Variants in SEMA3A observed in about 807,000 individuals in gnomAD.
The protein encoded by SEMA3A is semaphorin-3A.
SEMA3A carries 29 observed loss-of-function variants against 97.9 expected under a neutral mutation model. The observed-to-expected ratio is 0.30, with a 90% CI of 0.22 to 0.40. SEMA3A has a LOEUF of 0.40. SEMA3A is among the 10% of genes least tolerant of loss of function. The pLI, the probability that SEMA3A is intolerant of heterozygous loss-of-function variation, is 1.00. For missense variants in SEMA3A, 763 were observed against 951.3 expected, an observed-to-expected ratio of 0.80 and a Z score of 2.60; for synonymous variants, 321 against 323.7, an observed-to-expected ratio of 0.99 and a Z score of 0.09.
At chr7:84,204,490 T>C (rs1372704200) in intron 3 of SEMA3A, among the ~76,000 whole-genome samples, 1 of 152,176 alleles carries the variant, frequency 6.6e-6, no homozygotes, top group African/African-American at 2.4e-5. Context: ...GAATTGAACA[T>C]GGGGCATGAG....
chr7:84,164,043 C>T (rs1187525092), intron 1 of SEMA3A, among the ~76,000 whole-genome samples: 1 of 152,060 alleles, frequency 6.6e-6, no homozygotes, highest in Non-Finnish European at 1.5e-5. Flanking sequence ...CAGGGTTTCT[C>T]CATGTTGGTC....
intron 3 of SEMA3A, among the ~76,000 whole-genome samples, chr7:84,255,571 G>GAA (rs1799699552): frequency 2.6e-5 from 4 of 152,114 alleles, no homozygotes; most frequent in Non-Finnish European, 4.4e-5. Context: ...TATTTCTGGA[G>GAA]TCTACATTCT....
intron 1 of SEMA3A, among the ~76,000 whole-genome samples, chr7:84,159,309 T>A (rs1026028972): frequency 1.3e-5 from 2 of 152,180 alleles, no homozygotes; most frequent in African/African-American, 4.8e-5. Flanking sequence ...ACTAAAAGAT[T>A]GTTTCTACAT....
chr7:84,050,970 C>T (rs1001749080), intron 5 of SEMA3A, among the ~76,000 whole-genome samples: 2 of 151,684 alleles, frequency 1.3e-5, no homozygotes, highest in Admixed American at 6.6e-5. Context: ...ATAGGGAATC[C>T]TTTCCCCATT....
intron 4 of SEMA3A, among the ~76,000 whole-genome samples, chr7:84,065,496 G>T (rs1793442929): frequency 6.6e-6 from 1 of 150,712 alleles, no homozygotes; most frequent in South Asian, 2.1e-4. Context: ...TTTTTTGAAA[G>T]GATCAACAAA....
intron 1 of SEMA3A, among the ~76,000 whole-genome samples, chr7:84,387,612 T>C (rs563780998): frequency 6.7e-4 from 102 of 152,288 alleles, no homozygotes; most frequent in African/African-American, 2.3e-3. Flanking sequence ...TTTCTTTTCA[T>C]TGGAAACTGG....
intron 2 of SEMA3A, among the ~76,000 whole-genome samples, chr7:84,321,785 T>G (rs1250907411): frequency 2.1e-5 from 3 of 141,330 alleles, no homozygotes; most frequent in Non-Finnish European, 4.5e-5. Context: ...CTGAGGCAGG[T>G]GAATCGTGTG....
chr7:84,468,690 T>C (rs1806066273), intron 1 of SEMA3A, among the ~76,000 whole-genome samples: 1 of 152,110 alleles, frequency 6.6e-6, no homozygotes, highest in Admixed American at 6.5e-5. Context: ...GAATTAAAAA[T>C]AGGTGTGAGA....
At position 84,110,974 on chromosome 7, in the gene SEMA3A, T is replaced by C. The variant is rs926115835; in HGVS notation, c.334-385A>G. On this transcript the variant is annotated intron_variant, in intron 3 of 16. Coordinates refer to ENST00000265362, the MANE Select transcript of SEMA3A (RefSeq NM_006080.3). The stretch of plus-strand genomic sequence containing the variant: ...CTAATGAATTAATCAAACAAAATGA[T>C]GGGGAAAATTTACTTGCAAAAATCA... Among the ~76,000 whole-genome samples the C allele has an allele frequency of 2.0e-5, 3 of 152,016 alleles. No individual in the cohort carries two copies. In the East Asian group the frequency reaches 5.8e-4, roughly 29 times the overall value.
chr7:84,219,614 C>T (rs968714769), intron 3 of SEMA3A, among the ~76,000 whole-genome samples: 1 of 152,158 alleles, frequency 6.6e-6, no homozygotes. Context: ...AGTTTGAAAG[C>T]ATTATGTCTA....
chr7:84,324,540 T>A (rs191579357), intron 2 of SEMA3A, among the ~76,000 whole-genome samples: 119 of 152,268 alleles, frequency 7.8e-4, no homozygotes, highest in African/African-American at 2.8e-3. Context: ...ACAAATGCTG[T>A]TTTGGCTGAT....
intron 10 of SEMA3A, among the ~76,000 whole-genome samples, chr7:84,005,977 C>G (rs1007427305): frequency 1.3e-5 from 2 of 151,868 alleles, no homozygotes; most frequent in Non-Finnish European, 2.9e-5. Context: ...AAAAGTAGTG[C>G]AATATATAGT....
At chr7:84,287,929 G>A (rs914481703) in intron 3 of SEMA3A, among the ~76,000 whole-genome samples, 1 of 151,988 alleles carries the variant, frequency 6.6e-6, no homozygotes, top group African/African-American at 2.4e-5. Flanking sequence ...TTCAATGCTG[G>A]GTTTAGAAAA....
intron 7 of SEMA3A, among the ~76,000 whole-genome samples, chr7:84,013,659 C>G (rs1025506518): frequency 1.3e-5 from 2 of 151,984 alleles, no homozygotes; most frequent in Non-Finnish European, 2.9e-5. Context: ...CCAGCCTGGC[C>G]AACATGATGA....
chr7:84,042,422 C>A (rs1473186881), intron 6 of SEMA3A, among the ~76,000 whole-genome samples: 1 of 152,024 alleles, frequency 6.6e-6, no homozygotes, highest in Non-Finnish European at 1.5e-5. Context: ...GCCTTGGGAT[C>A]CATGTGGTTT....
chr7:84,249,377 A>G (rs1361331842), intron 3 of SEMA3A, among the ~76,000 whole-genome samples: 2 of 146,540 alleles, frequency 1.4e-5, no homozygotes, highest in African/African-American at 5.4e-5. Flanking sequence ...TCATCTATCT[A>G]TCTATCTATC....
chr7:84,346,038 T>G (rs1802292223), intron 2 of SEMA3A, among the ~76,000 whole-genome samples: 2 of 152,240 alleles, frequency 1.3e-5, no homozygotes, highest in Admixed American at 1.3e-4. Flanking sequence ...TAGACATGGA[T>G]AACTTGCTGC....
At chr7:84,130,046 T>G (rs1237014593) in intron 2 of SEMA3A, among the ~76,000 whole-genome samples, 100 of 152,204 alleles carry the variant, frequency 6.6e-4, no homozygotes, top group African/African-American at 2.2e-3. Context: ...TAAAATCCCC[T>G]GAGCAATTCC....
At chr7:84,149,097 AT>A (rs1343583144) in intron 1 of SEMA3A, among the ~76,000 whole-genome samples, 2 of 152,158 alleles carry the variant, frequency 1.3e-5, no homozygotes, top group Non-Finnish European at 2.9e-5. Flanking sequence ...ACAAGGAAAA[AT>A]TGGATTATCA....
Sources: gnomAD v4.1 joint callset for allele counts (sites outside exome capture counted in the v4.1 genomes callset) on GRCh38, gnomAD v4.1.1 for gene constraint, MANE v1.5 for transcripts, NCBI Gene and HGNC (gene_info 2026-07-23, HGNC 2026-07-21) for gene names.